Variants in ZNF239 observed in about 807,000 individuals in gnomAD.
The protein encoded by ZNF239 is zinc finger protein (C2H2) homologous to mouse MOK-2.
A neutral mutation model predicts 27.5 loss-of-function variants in ZNF239; 16 were observed. The observed-to-expected ratio is 0.58, with a 90% confidence interval of 0.39 to 0.88. The LOEUF is 0.88. Ranked by LOEUF, ZNF239 falls within the 40% of genes least tolerant of loss-of-function variation. ZNF239 has a pLI of 0.00. For synonymous variants in ZNF239, 199 were observed against 192.6 expected (o/e 1.03, Z -0.27); for missense variants, 527 against 551.9 (o/e 0.95, Z 0.45).
In ZNF239 at chr10:43,556,764, C is replaced by T; in HGVS notation, c.1316G>A (p.Gly439Asp). The change falls in exon 4 of 4, where the codon GGC (glycine) becomes GAC (aspartate). Residue 439 changes from glycine to aspartate, a missense_variant. Coordinates refer to ENST00000374446, the MANE Select transcript of ZNF239 (RefSeq NM_001099282.2). Reference sequence around the variant, plus strand: ...GTGAAGGTTGGAGCTCTGGCTGAAGCCCTTCCCACACTTGCTGCACTCATA... The same window carrying T: ...GTGAAGGTTGGAGCTCTGGCTGAAGTCCTTCCCACACTTGCTGCACTCATA... ...KPYECSKCGK[G>D]FSQSSNLHIH... is the part of the protein sequence containing the mutation. 6.2e-7 allele frequency: 1 copy of T among 1,614,130 alleles called. No individual in the cohort carries two copies. The highest frequency in any genetic ancestry group is 8.5e-7 in the Non-Finnish European group (1 of 1,180,028).
intron 3 of ZNF239, among the ~76,000 whole-genome samples, chr10:43,561,675 C>A (rs555468870): frequency 6.6e-6 from 1 of 151,946 alleles, no homozygotes; most frequent in African/African-American, 2.4e-5. Flanking sequence ...TAGCAGTAAG[C>A]CAAGAAGTCA....
intron 2 of ZNF239, among the ~76,000 whole-genome samples, chr10:43,571,876 C>G (rs1406967398): frequency 6.6e-6 from 1 of 152,022 alleles, no homozygotes; most frequent in African/African-American, 2.4e-5. Flanking sequence ...CTTTAAATCC[C>G]CAGCAACTAC....
chr10:43,560,883 A>G (rs959978175), intron 3 of ZNF239, among the ~76,000 whole-genome samples: 16 of 152,112 alleles, frequency 1.1e-4, no homozygotes, highest in African/African-American at 3.9e-4. Context: ...TCCCAGAAAA[A>G]CTGGAGAGGA....
Position 43,556,563 on chromosome 10 carries a change from G to T in ZNF239, c.*140C>A. On this transcript the variant is annotated 3_prime_UTR_variant, in exon 4 of 4. Coordinates refer to ENST00000374446, the MANE Select transcript of ZNF239 (RefSeq NM_001099282.2). ...TGCTTGATACTTAAATATTTTGAAT[G>T]AGTGATTTTTCAGTGAGGGAACATA... The T allele has an allele frequency of 9.2e-7, 1 of 1,092,820 alleles. No homozygotes were observed. The highest frequency in any genetic ancestry group is 1.3e-6 in the Non-Finnish European group (1 of 785,628). 67.7% of individuals were successfully genotyped at this position (1,092,820 alleles called of 1,614,324 possible).
Position 43,557,660 on chromosome 10 carries a change from AT to A in ZNF239, c.419del (p.Asn140MetfsTer4). On this transcript the variant is annotated frameshift_variant, in exon 4 of 4. Coordinates refer to ENST00000374446, the MANE Select transcript of ZNF239 (RefSeq NM_001099282.2). LOFTEE classifies it high-confidence loss of function. ...GATCCAAAGATTCTTTTAACTGGCC[AT>A]TCTGGCAAGTTGCCTCACCATTTAA... Reference protein sequence around the residue: ...PLLNGEATCQNGQLKESLDPI... With the variant: ...PLLNGEATCQXGQLKESLDPI... The A allele has an allele frequency of 6.2e-7, 1 of 1,614,214 alleles. No individual in the cohort carries two copies. Among genetic ancestry groups the A allele is most frequent in the Non-Finnish European group, 8.5e-7 (1 of 1,180,054 alleles).
At position 43,574,587 on chromosome 10, in the gene ZNF239, A is replaced by G. The variant is rs922809286; in HGVS notation, c.-304T>C. Reference sequence around the variant, plus strand: ...TGCAGGGGCCAGATTCCGGATGCTGACCGCTCGCGCGCCTAGGGCCCCGAA... The same window carrying G: ...TGCAGGGGCCAGATTCCGGATGCTGGCCGCTCGCGCGCCTAGGGCCCCGAA... On this transcript the variant is annotated 5_prime_UTR_variant, in exon 1 of 4. Transcript: ENST00000374446. 1.3e-5 allele frequency: 2 copies of G among 152,218 alleles called. No homozygotes were observed. Among genetic ancestry groups the G allele is most frequent in the Admixed American group, 6.5e-5 (1 of 15,284 alleles). The allele number at this position is 152,218 out of a possible 1,614,324, so 9.4% of individuals were successfully genotyped here.
At chr10:43,561,839 C>T (rs1837273943) in intron 3 of ZNF239, among the ~76,000 whole-genome samples, 1 of 151,750 alleles carries the variant, frequency 6.6e-6, no homozygotes, top group Non-Finnish European at 1.5e-5. Flanking sequence ...ACAAAAACCC[C>T]CAAACCCCAA....
chr10:43,562,706 G>A (rs1401954635), intron 3 of ZNF239, among the ~76,000 whole-genome samples: 1 of 152,194 alleles, frequency 6.6e-6, no homozygotes. Flanking sequence ...TTTTTACTAT[G>A]AGCTGTCCAC....
At chr10:43,558,503 C>T (rs1048951645) in intron 3 of ZNF239, among the ~76,000 whole-genome samples, 3 of 151,948 alleles carry the variant, frequency 2.0e-5, no homozygotes, top group African/African-American at 7.3e-5. Context: ...GGCTGGAGTG[C>T]CGTGGTGTGA....
intron 2 of ZNF239, among the ~76,000 whole-genome samples, chr10:43,571,898 TG>T (rs2132310797): frequency 6.6e-6 from 1 of 152,266 alleles, no homozygotes; most frequent in African/African-American, 2.4e-5. Flanking sequence ...ACAATTGACT[TG>T]GAATCTGAAA....
In ZNF239 at chr10:43,556,510, A is replaced by G. The variant is rs1836746910; in HGVS notation, c.*193T>C. ...CTCTACCCATCTGAGAAACAAGAAC[A>G]ATCCATTCATTGTACAGCATAACAA... is the stretch of plus-strand genomic sequence containing the variant. On this transcript the variant is annotated 3_prime_UTR_variant, in exon 4 of 4. Coordinates refer to ENST00000374446, the MANE Select transcript of ZNF239 (RefSeq NM_001099282.2). 1 of 677,810 alleles carries G rather than the reference A, an allele frequency of 1.5e-6. No homozygotes were observed. The highest frequency in any genetic ancestry group is 2.4e-6 in the Non-Finnish European group (1 of 418,104). The allele number at this position is 677,810 out of a possible 1,614,324, so 42.0% of individuals were successfully genotyped here. A position where few individuals can be genotyped will look rare whatever the true frequency, so the allele number is the denominator to read the frequency against.
At position 43,556,833 on chromosome 10, in the gene ZNF239, G is replaced by C; in HGVS notation, c.1247C>G (p.Ser416Cys). 2 of 1,613,994 alleles carry C rather than the reference G, an allele frequency of 1.2e-6. No individual in the cohort carries two copies. The highest frequency in any genetic ancestry group is 1.1e-5 in the South Asian group (1 of 91,060). ...GKCGKGFSQS[S>C]KLLIHQRVHT... ...TACTCTCTGGTGGATGAGGAGTTTG[G>C]AACTCTGGCTAAATCCCTTCCCACA... The change falls in exon 4 of 4, where the codon TCC becomes TGC. Residue 416 changes from serine (S) to cysteine (C), a missense_variant. By Grantham distance (112) the Ser-to-Cys change is moderately radical. Transcript: ENST00000374446.
In ZNF239 at chr10:43,556,960, G is replaced by T. The variant is rs768465646; in HGVS notation, c.1120C>A (p.Pro374Thr). The change falls in exon 4 of 4, where the codon CCT becomes ACT. Residue 374 changes from proline (P) to threonine (T), a missense_variant. By Grantham distance (38) the Pro-to-Thr change is conservative. Transcript: ENST00000374446. ...IHRCIHTGEK[P>T]YQCYECGKGF... ...TTCCCACACTCATAGCATTGGTAAGGCTTCTCTCCTGTGTGGATGCACCGG... is the reference window on the plus strand; with the variant it reads ...TTCCCACACTCATAGCATTGGTAAGTCTTCTCTCCTGTGTGGATGCACCGG... 6 of 1,613,870 alleles carry T rather than the reference G, an allele frequency of 3.7e-6. No homozygotes were observed.
chr10:43,557,974 C>T lies in ZNF239; in HGVS notation c.106G>A (p.Ala36Thr). 8 of 1,614,180 alleles carry T rather than the reference C, an allele frequency of 5.0e-6. No individual in the cohort carries two copies. The highest frequency in any genetic ancestry group is 1.1e-5 in the South Asian group (1 of 91,088). Residue 36 changes from alanine to threonine, a missense_variant, in exon 4 of 4, where the codon GCA becomes ACA. By Grantham distance (58) the Ala-to-Thr change is moderately conservative (BLOSUM62 0). Transcript: ENST00000374446. ...DISPCQQWGE[A>T]SSPISRNRDS... ...CTGTTTCTGGAAATAGGAGAAGATG[C>T]TTCTCCCCACTGTTGACAAGGGGAA...
intron 2 of ZNF239, chr10:43,568,412 GA>G (rs936773839): frequency 2.0e-6 from 2 of 985,302 alleles, no homozygotes; most frequent in African/African-American, 3.5e-5. Flanking sequence ...CAGTGCCAAT[GA>G]TCTCAGCCAC....
intron 2 of ZNF239, among the ~76,000 whole-genome samples, chr10:43,573,377 C>T (rs17153912): frequency 0.072 from 10,895 of 152,198 alleles, 1,271 homozygotes; most frequent in African/African-American, 0.25. Flanking sequence ...AAAAGGCAGG[C>T]TTTGAGAGGC....
At chr10:43,570,587 C>T in intron 2 of ZNF239, 1 of 985,208 alleles carries the variant, frequency 1.0e-6, no homozygotes, top group Non-Finnish European at 1.2e-6. Context: ...GTCTTCCATT[C>T]AGTTGTCTGG....
chr10:43,565,839 A>G (rs1215854634), intron 3 of ZNF239, among the ~76,000 whole-genome samples: 1 of 150,128 alleles, frequency 6.7e-6, no homozygotes, highest in African/African-American at 2.4e-5. Flanking sequence ...AAAAAAAAAA[A>G]AAAAAAGAAA....
Position 43,557,645 on chromosome 10 carries a change from T to C in ZNF239, c.435A>G (p.Glu145=). The C allele has an allele frequency of 6.2e-7, 1 of 1,614,202 alleles. No individual in the cohort carries two copies. Among genetic ancestry groups the C allele is most frequent in the South Asian group, 1.1e-5 (1 of 91,090 alleles). ...AGTTACAGTCAATGGGATCCAAAGA[T>C]TCTTTTAACTGGCCATTCTGGCAAG... ...EATCQNGQLK[E]SLDPIDCNCK... Residue 145 remains glutamate, a synonymous_variant, in exon 4 of 4, where the codon GAA becomes GAG. Coordinates refer to ENST00000374446, the MANE Select transcript of ZNF239 (RefSeq NM_001099282.2).
Sources: allele counts gnomAD v4.1 joint callset (sites outside exome capture counted in the v4.1 genomes callset), GRCh38; gene constraint gnomAD v4.1.1; transcripts MANE v1.5; gene names NCBI Gene and HGNC (gene_info 2026-07-23, HGNC 2026-07-21).